Variants in RFTN1 observed in about 807,000 individuals in gnomAD.
The protein encoded by RFTN1 is raftlin.
In RFTN1, 26 loss-of-function variants were observed where a neutral mutation model predicts 46.5. The ratio of observed to expected loss-of-function variants is 0.56; its 90% CI spans 0.41 to 0.78. The LOEUF (loss-of-function observed/expected upper bound fraction) is 0.78, where lower values mean the gene tolerates loss of function less well. Ranked by LOEUF, RFTN1 falls within the 30% of genes least tolerant of loss-of-function variation. The pLI, the probability that RFTN1 is intolerant of heterozygous loss-of-function variation, is 0.00. For synonymous variants in RFTN1, 261 were observed against 284.2 expected, an observed-to-expected ratio of 0.92 and a Z score of 0.82; for missense variants, 693 against 718.7, an observed-to-expected ratio of 0.96 and a Z score of 0.41.
In RFTN1 at chr3:16,465,391, T is replaced by C. The variant is rs142141830; in HGVS notation, c.145+28334A>G. Among the ~76,000 whole-genome samples, 158 of 150,276 alleles carry C rather than the reference T, an allele frequency of 1.1e-3. 5 individuals carry two copies. In the East Asian group the frequency reaches 0.028, roughly 26 times the overall value. ...ATTCTCTGAGCACAGGAAAAAAATATCCCCAACAGAGGTTGGCAGCTCAGA... is the reference window on the plus strand; with the variant it reads ...ATTCTCTGAGCACAGGAAAAAAATACCCCCAACAGAGGTTGGCAGCTCAGA... On this transcript the variant is annotated intron_variant, in intron 2 of 9. Coordinates refer to ENST00000334133, the MANE Select transcript of RFTN1 (RefSeq NM_015150.2). The surrounding 1 kb of genome is among the most constrained non-coding windows in gnomAD (Gnocchi z 5.1).
At position 16,482,982 on chromosome 3, in the gene RFTN1, T is replaced by C. The variant is rs974814063; in HGVS notation, c.145+10743A>G. On this transcript the variant is annotated intron_variant, in intron 2 of 9. Coordinates refer to ENST00000334133, the MANE Select transcript of RFTN1 (RefSeq NM_015150.2). ...ATCAAGGGCTGCTTAGAGCCTCCCT[T>C]CTAGCCATCCACCTTCCCTCCTCCA... 6 of 635,014 alleles carry C rather than the reference T, an allele frequency of 9.4e-6. No individual in the cohort carries two copies. The African/African-American group carries it at 1.1e-4, about 12-fold the overall frequency. The allele number at this position is 635,014 out of a possible 1,614,324, so 39.3% of individuals were successfully genotyped here. A position where few individuals can be genotyped will look rare whatever the true frequency, so the allele number is the denominator to read the frequency against.
At chr3:16,495,661 T>C (rs746189970) in intron 1 of RFTN1, among the ~76,000 whole-genome samples, 45 of 152,182 alleles carry the variant, frequency 3.0e-4, no homozygotes, top group Middle Eastern at 3.2e-3. Flanking sequence ...CTGCCCTACC[T>C]GAAGGGAAAG....
At position 16,507,657 on chromosome 3, in the gene RFTN1, C is replaced by T. The variant is rs553615370; in HGVS notation, c.-9+5785G>A. Among the ~76,000 whole-genome samples the T allele has an allele frequency of 6.6e-6, 1 of 151,278 alleles. No individual in the cohort carries two copies. The highest frequency in any genetic ancestry group is 2.4e-5 in the African/African-American group (1 of 41,170). ...ACATGCACACATCCACAAACACGCA[C>T]ATACATACACACACAATGCACATAA... On this transcript the variant is annotated intron_variant, in intron 1 of 9. Coordinates refer to ENST00000334133, the MANE Select transcript of RFTN1 (RefSeq NM_015150.2). The surrounding 1 kb of genome is among the most constrained non-coding windows in gnomAD (Gnocchi z 7.1).
At chr3:16,431,205 G>A (rs2075380357) in intron 3 of RFTN1, among the ~76,000 whole-genome samples, 1 of 152,210 alleles carries the variant, frequency 6.6e-6, no homozygotes, top group African/African-American at 2.4e-5. Flanking sequence ...CACGAGTTCT[G>A]TGTTCTTTCT....
At chr3:16,390,004 C>T (rs2125401082) in intron 4 of RFTN1, among the ~76,000 whole-genome samples, 1 of 152,316 alleles carries the variant, frequency 6.6e-6, no homozygotes, top group South Asian at 2.1e-4. Context: ...CTACAGCCAA[C>T]ACCAACTTGC....
rs889224344 is a variant in RFTN1, at chr3:16,320,503, A to C, written c.1332+2873T>G. Among the ~76,000 whole-genome samples the C allele has an allele frequency of 6.6e-6, 1 of 152,234 alleles. No individual in the cohort carries two copies. The highest frequency in any genetic ancestry group is 2.4e-5 in the African/African-American group (1 of 41,462). ...AATCTGGGTACACAACACAGGAAAA[A>C]GGTCTTTGCTCTTGTGGAGACTATG... On this transcript the variant is annotated intron_variant, in intron 9 of 9. Coordinates refer to ENST00000334133, the MANE Select transcript of RFTN1 (RefSeq NM_015150.2). The surrounding 1 kb of genome is among the most constrained non-coding windows in gnomAD (Gnocchi z 4.5).
chr3:16,385,010 C>A lies in RFTN1; in HGVS notation c.442-6908G>T, dbSNP rs1257819029. Among the ~76,000 whole-genome samples the A allele has an allele frequency of 1.7e-4, 26 of 152,172 alleles. No homozygotes were observed. Among genetic ancestry groups the A allele is most frequent in the Non-Finnish European group, 3.7e-4 (25 of 68,018 alleles). ...GGGGTAAATCCAAGACTCACATCCACATACTTATATACCCTAGATCAGACC... is the reference window on the plus strand; with the variant it reads ...GGGGTAAATCCAAGACTCACATCCAAATACTTATATACCCTAGATCAGACC... On this transcript the variant is annotated intron_variant, in intron 4 of 9. Transcript: ENST00000334133. This position sits in a 1 kb window ranked among gnomAD's most constrained non-coding sequence, Gnocchi z 5.0.
At chr3:16,349,556 C>A (rs751007260) in intron 7 of RFTN1, 8 of 152,236 alleles carry the variant, frequency 5.3e-5, no homozygotes, top group Non-Finnish European at 1.2e-4. Flanking sequence ...CACACGTATA[C>A]ACATACGCCA....
intron 2 of RFTN1, among the ~76,000 whole-genome samples, chr3:16,490,554 C>T (rs2076524250): frequency 6.6e-6 from 1 of 152,200 alleles, no homozygotes. Context: ...AAGAGTTGTG[C>T]AGAATCAGAT....
At position 16,475,715 on chromosome 3, in the gene RFTN1, C is replaced by T. The variant is rs1559366116; in HGVS notation, c.145+18010G>A. 6.6e-6 allele frequency among the ~76,000 whole-genome samples: 1 copy of T among 152,162 alleles called. No individual in the cohort carries two copies. The highest frequency in any genetic ancestry group is 6.5e-5 in the Admixed American group (1 of 15,282). ...AGAGAGAATCACTGAGGATTGAGAT[C>T]CCTAGGTTATTCCACCGGGTAATAA... On this transcript the variant is annotated intron_variant, in intron 2 of 9. Transcript: ENST00000334133. The surrounding 1 kb of genome is among the most constrained non-coding windows in gnomAD (Gnocchi z 4.2).
intron 5 of RFTN1, among the ~76,000 whole-genome samples, chr3:16,373,020 A>G (rs2073590057): frequency 6.6e-6 from 1 of 152,126 alleles, no homozygotes; most frequent in Non-Finnish European, 1.5e-5. Context: ...TCCAAAAGTG[A>G]TGTCCTTTGA....
rs2076508766 is a variant in RFTN1, at chr3:16,489,681, G to A, written c.145+4044C>T. ...CCAGCACTTTGGGAGGCCGAGGTGG[G>A]TGGACCACTTGAGGTCAGGAGTTCA... On this transcript the variant is annotated intron_variant, in intron 2 of 9. Transcript: ENST00000334133. The surrounding 1 kb of genome is among the most constrained non-coding windows in gnomAD (Gnocchi z 4.0). Among the ~76,000 whole-genome samples the A allele has an allele frequency of 6.6e-6, 1 of 152,110 alleles. No individual in the cohort carries two copies. The highest frequency in any genetic ancestry group is 2.1e-4 in the South Asian group (1 of 4,818).
intron 2 of RFTN1, among the ~76,000 whole-genome samples, chr3:16,488,758 C>T (rs1465246945): frequency 1.3e-5 from 2 of 152,214 alleles, no homozygotes; most frequent in South Asian, 2.1e-4. Flanking sequence ...CCTCTTTGGG[C>T]AAGTTACTTA....
chr3:16,447,826 C>A lies in RFTN1; in HGVS notation c.146-13789G>T, dbSNP rs1035437878. 2.0e-4 allele frequency among the ~76,000 whole-genome samples: 31 copies of A among 152,192 alleles called. No individual in the cohort carries two copies. The highest frequency in any genetic ancestry group is 7.0e-4 in the African/African-American group (29 of 41,452). On this transcript the variant is annotated intron_variant, in intron 2 of 9. Transcript: ENST00000334133. The surrounding 1 kb of genome is among the most constrained non-coding windows in gnomAD (Gnocchi z 5.9). ...TTAATCAGGCAAAGGAATGTACTTT[C>A]TGGACTTGCCAGTGATCACTTACTG...
At chr3:16,399,317 A>G (rs550953033) in intron 4 of RFTN1, among the ~76,000 whole-genome samples, 2 of 152,302 alleles carry the variant, frequency 1.3e-5, no homozygotes, top group Admixed American at 1.3e-4. Context: ...CTAAGGCAAA[A>G]ACACACAAGA....
rs548837032 is a variant in RFTN1, at chr3:16,359,013, CAG to C, written c.1031-968_1031-967del. On this transcript the variant is annotated intron_variant, in intron 6 of 9. Transcript: ENST00000334133. ...CACCACTGTACTTCAGCCTGGGTGA[CAG>C]AGCGAGATTCTGTCTCCAAAAAAAA... Among the ~76,000 whole-genome samples the C allele has an allele frequency of 8.1e-3, 1,018 of 125,026 alleles. 11 individuals are homozygous for C. The highest frequency in any genetic ancestry group is 0.012 in the Non-Finnish European group (755 of 63,178). The allele number at this position is 125,026 out of a possible 152,430, so 82.0% of individuals were successfully genotyped here.
At chr3:16,393,427 A>G (rs2074396280) in intron 4 of RFTN1, among the ~76,000 whole-genome samples, 2 of 152,114 alleles carry the variant, frequency 1.3e-5, no homozygotes, top group African/African-American at 4.8e-5. Context: ...ACTTATAAAC[A>G]CTCATACACT....
intron 4 of RFTN1, among the ~76,000 whole-genome samples, chr3:16,404,318 T>TATTATATATAATATATAATATAC: frequency 3.0e-5 from 1 of 33,164 alleles, no homozygotes; most frequent in African/African-American, 1.8e-4. Context: ...ATATATTATA[T>TATTATATATAATATATAATATAC]ATAATATATA....
chr3:16,423,463 G>T (rs928778992), intron 3 of RFTN1, among the ~76,000 whole-genome samples: 1 of 152,156 alleles, frequency 6.6e-6, no homozygotes, highest in African/African-American at 2.4e-5. Context: ...AATTAAAGAG[G>T]AATGCTATTA....
Sources: gnomAD v4.1 joint callset for allele counts (sites outside exome capture counted in the v4.1 genomes callset) on GRCh38, gnomAD v4.1.1 for gene constraint, Gnocchi (gnomAD v3.1) non-coding constraint, MANE v1.5 for transcripts, NCBI Gene and HGNC (gene_info 2026-07-23, HGNC 2026-07-21) for gene names.